Variants in RIMS4 observed in about 807,000 individuals in gnomAD.
The protein encoded by RIMS4 is regulating synaptic membrane exocytosis 4.
A neutral mutation model predicts 29.0 loss-of-function variants in RIMS4; 9 were observed. The observed-to-expected ratio is 0.31, with a 90% confidence interval of 0.19 to 0.54. The LOEUF is 0.54. Ranked by LOEUF, RIMS4 falls within the 20% of genes least tolerant of loss-of-function variation. The pLI is 0.94. For synonymous variants in RIMS4, 130 were observed against 152.9 expected (o/e 0.85, Z 1.10); for missense variants, 193 against 365.7 (o/e 0.53, Z 3.85).
intron 1 of RIMS4, among the ~76,000 whole-genome samples, chr20:44,781,359 G>A (rs188925776): frequency 6.6e-5 from 10 of 152,334 alleles, no homozygotes; most frequent in Non-Finnish European, 1.0e-4. Flanking sequence ...TGGGAGCTGA[G>A]GAGAAGGGTA....
intron 2 of RIMS4, among the ~76,000 whole-genome samples, chr20:44,765,932 T>C (rs1330807691): frequency 1.3e-5 from 2 of 152,192 alleles, no homozygotes; most frequent in African/African-American, 4.8e-5. Flanking sequence ...GTGAAATGTA[T>C]GCATGCTTCT....
At chr20:44,788,489 G>A (rs996092747) in intron 1 of RIMS4, among the ~76,000 whole-genome samples, 4 of 152,206 alleles carry the variant, frequency 2.6e-5, no homozygotes, top group Non-Finnish European at 5.9e-5. Context: ...AGAGGAGACA[G>A]GAGGTGGGTG....
chr20:44,793,889 G>A (rs998443987), intron 1 of RIMS4, among the ~76,000 whole-genome samples: 2 of 152,028 alleles, frequency 1.3e-5, no homozygotes, highest in African/African-American at 2.4e-5. Flanking sequence ...GGGCAACATA[G>A]CGAGATTCTG....
chr20:44,810,091 G>A, intron 1 of RIMS4, 84 bp downstream of exon 1: 1 of 705,546 alleles, frequency 1.4e-6, no homozygotes, highest in South Asian at 1.7e-5. Flanking sequence ...GGGGTGGGGA[G>A]GAGGGCGCAC....
chr20:44,786,248 GCCT>G (rs1428727334), intron 1 of RIMS4, among the ~76,000 whole-genome samples: 1 of 152,146 alleles, frequency 6.6e-6, no homozygotes, highest in Non-Finnish European at 1.5e-5. Context: ...GGGCCACCCA[GCCT>G]CTGAGGGAGG....
chr20:44,776,094 C>T (rs1052467567), intron 1 of RIMS4, among the ~76,000 whole-genome samples: 1 of 152,044 alleles, frequency 6.6e-6, no homozygotes, highest in African/African-American at 2.4e-5. Context: ...GCCTGGGCAA[C>T]ATAGCGAAAC....
At chr20:44,761,316 G>C (rs1233213901) in intron 2 of RIMS4, among the ~76,000 whole-genome samples, 1 of 152,172 alleles carries the variant, frequency 6.6e-6, no homozygotes, top group Non-Finnish European at 1.5e-5. Flanking sequence ...CACAGGTACT[G>C]CATGGCCCCA....
chr20:44,810,492 TGGCGGC>T lies in RIMS4; in HGVS notation c.-227_-222del, dbSNP rs1186589933. Among the ~76,000 whole-genome samples the T allele has an allele frequency of 0.062, 8,637 of 138,714 alleles. 846 individuals are homozygous for T. The highest frequency in any genetic ancestry group is 0.21 in the African/African-American group (8,074 of 38,354). 91.0% of individuals were successfully genotyped at this position (138,714 alleles called of 152,430 possible). On this transcript the variant is annotated 5_prime_UTR_variant, in exon 1 of 6. Coordinates refer to ENST00000372851, the MANE Select transcript of RIMS4 (RefSeq NM_182970.4). ...CGGAGCCCGAGGCGCGCTGTGCTGC[TGGCGGC>T]GGCGGCGGCGGCGGCGGTGGCGGCG... is the stretch of plus-strand genomic sequence containing the variant.
intron 2 of RIMS4, among the ~76,000 whole-genome samples, chr20:44,764,011 TATCCATCCATCCATTTATCC>T (rs879632032): frequency 0.043 from 5,514 of 128,694 alleles, 165 homozygotes; most frequent in Middle Eastern, 0.15. Context: ...TCCATCCATT[TATCCATCCATCCATTTATCC>T]ATCCATCCAT....
chr20:44,779,213 CT>C (rs1287992183), intron 1 of RIMS4, among the ~76,000 whole-genome samples: 3 of 152,222 alleles, frequency 2.0e-5, no homozygotes, highest in African/African-American at 7.2e-5. Flanking sequence ...CTCTTATCTT[CT>C]GGAGAAAGGT....
chr20:44,799,107 A>G (rs2066266887), intron 1 of RIMS4, among the ~76,000 whole-genome samples: 2 of 152,220 alleles, frequency 1.3e-5, no homozygotes, highest in Admixed American at 1.3e-4. Context: ...GTTCGAGACC[A>G]GCCTGCCCAA....
chr20:44,753,347 C>T lies in RIMS4; in HGVS notation c.*2787G>A, dbSNP rs28373651. ...GGTGCCACTGAACACACAGGTGACT[C>T]CAGGGGTGGCTTTTCCCCCAAGCTG... On this transcript the variant is annotated 3_prime_UTR_variant, in exon 6 of 6. Transcript: ENST00000372851. 0.062 allele frequency: 9,383 copies of T among 152,432 alleles called. 614 individuals are homozygous for T. The highest frequency in any genetic ancestry group is 0.17 in the African/African-American group (7,037 of 41,500). The allele number at this position is 152,432 out of a possible 1,614,324, so 9.4% of individuals were successfully genotyped here.
intron 1 of RIMS4, 38 bp downstream of exon 1, chr20:44,810,137 G>A: frequency 7.3e-7 from 1 of 1,368,522 alleles, no homozygotes; most frequent in African/African-American, 1.4e-5. Context: ...TGGATCCCGG[G>A]ACACCCCGGG....
intron 1 of RIMS4, among the ~76,000 whole-genome samples, chr20:44,788,810 T>A (rs1568903648): frequency 6.6e-6 from 1 of 152,038 alleles, no homozygotes; most frequent in African/African-American, 2.4e-5. Context: ...TTAAAAAAAA[T>A]GATACTGATG....
At chr20:44,789,769 GGGCT>G (rs1377733778) in intron 1 of RIMS4, among the ~76,000 whole-genome samples, 7 of 152,190 alleles carry the variant, frequency 4.6e-5, no homozygotes, top group Non-Finnish European at 1.0e-4. Flanking sequence ...TGCCCAGCCT[GGGCT>G]GGAACTCCTG....
At position 44,755,973 on chromosome 20, in the gene RIMS4, G is replaced by A; in HGVS notation, c.*161C>T. 1.6e-6 allele frequency: 1 copy of A among 610,048 alleles called. No homozygotes were observed. Among genetic ancestry groups the A allele is most frequent in the Non-Finnish European group, 2.9e-6 (1 of 345,420 alleles). 37.8% of individuals were successfully genotyped at this position (610,048 alleles called of 1,614,324 possible). Reference sequence around the variant, plus strand: ...GGTCTCGGGGGTAGGAGGCAAAGAAGGGGTGAGGAGGGGCCCAAGGGGGGG... The same window carrying A: ...GGTCTCGGGGGTAGGAGGCAAAGAAAGGGTGAGGAGGGGCCCAAGGGGGGG... On this transcript the variant is annotated 3_prime_UTR_variant, in exon 6 of 6. Coordinates refer to ENST00000372851, the MANE Select transcript of RIMS4 (RefSeq NM_182970.4).
At chr20:44,757,107 G>A in intron 4 of RIMS4, 70 bp from the exon 5 acceptor site, 1 of 1,537,378 alleles carries the variant, frequency 6.5e-7, no homozygotes, top group South Asian at 1.2e-5. Flanking sequence ...GTGCAACAGA[G>A]GGAGGCTGCC....
Position 44,810,244 on chromosome 20 carries a change from G to A in RIMS4, c.28C>T (p.Leu10=), listed in dbSNP as rs1348588696. 2 of 1,541,272 alleles carry A rather than the reference G, an allele frequency of 1.3e-6. No individual in the cohort carries two copies. The highest frequency in any genetic ancestry group is 2.5e-5 in the East Asian group (1 of 39,494). The change falls in exon 1 of 6, where the codon CTG becomes TTG. Residue 10 remains leucine (L), a synonymous_variant. Coordinates refer to ENST00000372851, the MANE Select transcript of RIMS4 (RefSeq NM_182970.4). MERSQSRLS[L]SASFEALAIY... is the part of the protein sequence containing the mutation. ...GCGAGCGCCTCGAAGGAGGCGGACA[G>A]ACTGAGGCGGCTCTGCGAGCGCTCC...
chr20:44,791,606 A>T (rs149788326), intron 1 of RIMS4, among the ~76,000 whole-genome samples: 155 of 152,310 alleles, frequency 1.0e-3, no homozygotes, highest in Middle Eastern at 3.4e-3. Context: ...AAAACCACAA[A>T]TGGCGACTCT....
Sources: allele counts gnomAD v4.1 joint callset (sites outside exome capture counted in the v4.1 genomes callset), GRCh38; gene constraint gnomAD v4.1.1; transcripts MANE v1.5; gene names NCBI Gene and HGNC (gene_info 2026-07-23, HGNC 2026-07-21).